The following LINGO2 variants were observed in gnomAD, a reference collection of about 807,000 sequenced individuals.
LINGO2 encodes leucine rich repeat and Ig domain containing 2.
LINGO2 carries 14 observed loss-of-function variants against 30.6 expected under a neutral mutation model. That is an observed-to-expected ratio of 0.46 (90% confidence interval 0.30 to 0.72). The LOEUF (loss-of-function observed/expected upper bound fraction) is 0.72. Among genes scored for constraint, LINGO2 ranks in the 30% least tolerant of loss-of-function variants. The pLI is 0.07. For synonymous variants in LINGO2, 317 were observed against 288.5 expected (o/e 1.10, Z -1.00); for missense variants, 729 against 751.7 (o/e 0.97, Z 0.35).
At chr9:28,577,494 C>T (rs1441624031) in intron 1 of LINGO2, among the ~76,000 whole-genome samples, 1 of 152,120 alleles carries the variant, frequency 6.6e-6, no homozygotes, top group Non-Finnish European at 1.5e-5. Flanking sequence ...CTGTCCACAA[C>T]ACTATCTTTA....
At chr9:28,531,955 C>A (rs1473343498) in intron 1 of LINGO2, among the ~76,000 whole-genome samples, 1 of 152,082 alleles carries the variant, frequency 6.6e-6, no homozygotes, top group African/African-American at 2.4e-5. Context: ...AAAATTGTAG[C>A]TATTGATATC....
chr9:28,140,980 C>G (rs959917348), intron 4 of LINGO2, among the ~76,000 whole-genome samples: 1 of 150,342 alleles, frequency 6.7e-6, no homozygotes, highest in East Asian at 1.9e-4. Context: ...CATTAATCAT[C>G]AACAATATAA....
chr9:29,014,275 C>T, the LINGO2 span, among the ~76,000 whole-genome samples: 1 of 152,086 alleles, frequency 6.6e-6, no homozygotes, highest in South Asian at 2.1e-4. Flanking sequence ...CTAAAATGGA[C>T]ATAAACAATT....
intron 1 of LINGO2, among the ~76,000 whole-genome samples, chr9:28,619,762 A>G (rs1490417123): frequency 6.6e-6 from 1 of 152,112 alleles, no homozygotes; most frequent in East Asian, 1.9e-4. Context: ...GTGCAACTAC[A>G]CTATTTTTGT....
intron 2 of LINGO2, among the ~76,000 whole-genome samples, chr9:28,381,599 T>C (rs1209574136): frequency 6.6e-6 from 1 of 152,000 alleles, no homozygotes; most frequent in Non-Finnish European, 1.5e-5. Context: ...CAATAAAAAA[T>C]ACCATATTTT....
intron 1 of LINGO2, among the ~76,000 whole-genome samples, chr9:28,664,369 G>C (rs111752191): frequency 2.6e-5 from 4 of 152,134 alleles, no homozygotes; most frequent in African/African-American, 9.6e-5. Context: ...AATGGGGCTG[G>C]AACCACAGTC....
the LINGO2 span, among the ~76,000 whole-genome samples, chr9:29,090,807 C>A: frequency 6.6e-6 from 1 of 151,780 alleles, no homozygotes; most frequent in Non-Finnish European, 1.5e-5. Context: ...TACTCAATGT[C>A]ACTAGATTAT....
chr9:29,092,691 A>G, the LINGO2 span, among the ~76,000 whole-genome samples: 1 of 137,340 alleles, frequency 7.3e-6, no homozygotes, highest in East Asian at 2.5e-4. Flanking sequence ...AAGACTGCCA[A>G]CAGAGCATTT....
chr9:28,804,230 G>A, the LINGO2 span, among the ~76,000 whole-genome samples: 1 of 152,054 alleles, frequency 6.6e-6, no homozygotes, highest in Non-Finnish European at 1.5e-5. Flanking sequence ...GACTTCTTCA[G>A]ACCTTTATAT....
the LINGO2 span, among the ~76,000 whole-genome samples, chr9:29,019,393 C>T: frequency 6.6e-6 from 1 of 152,140 alleles, no homozygotes; most frequent in Non-Finnish European, 1.5e-5. Context: ...GTAGGCATTA[C>T]AGTTTTCAGT....
At chr9:29,020,349 T>TA in the LINGO2 span, among the ~76,000 whole-genome samples, 3 of 152,210 alleles carry the variant, frequency 2.0e-5, no homozygotes, top group Non-Finnish European at 2.9e-5. Flanking sequence ...TTATTTTTTT[T>TA]ATCAACCACA....
the LINGO2 span, among the ~76,000 whole-genome samples, chr9:28,762,217 G>T: frequency 6.6e-6 from 1 of 151,650 alleles, no homozygotes; most frequent in African/African-American, 2.4e-5. Context: ...CATTTTAATT[G>T]TACTATTTAA....
the LINGO2 span, among the ~76,000 whole-genome samples, chr9:28,869,973 A>T: frequency 4.5e-4 from 69 of 152,112 alleles, 1 homozygote; most frequent in East Asian, 0.013. Context: ...ACGTTATTAT[A>T]CCTGATAAAT....
intron 1 of LINGO2, among the ~76,000 whole-genome samples, chr9:28,501,487 T>C (rs79038712): frequency 1.3e-5 from 2 of 152,252 alleles, no homozygotes; most frequent in South Asian, 2.1e-4. Context: ...AAGGGCAATC[T>C]AAAGGAAGCA....
At chr9:28,652,455 C>G (rs958601041) in intron 1 of LINGO2, among the ~76,000 whole-genome samples, 1 of 152,066 alleles carries the variant, frequency 6.6e-6, no homozygotes, top group African/African-American at 2.4e-5. Context: ...TTTTGGTCCT[C>G]CTGAAACTCA....
the LINGO2 span, among the ~76,000 whole-genome samples, chr9:28,948,906 G>A: frequency 6.6e-6 from 1 of 151,790 alleles, no homozygotes. Flanking sequence ...GATGGCACAA[G>A]TGGATCTCTC....
At chr9:28,542,794 C>A (rs917629237) in intron 1 of LINGO2, among the ~76,000 whole-genome samples, 1 of 151,940 alleles carries the variant, frequency 6.6e-6, no homozygotes, top group Non-Finnish European at 1.5e-5. Context: ...AGGGATTCCA[C>A]GTTAGTATCC....
chr9:28,307,440 A>T (rs1367298716), intron 3 of LINGO2, among the ~76,000 whole-genome samples: 2 of 152,214 alleles, frequency 1.3e-5, no homozygotes, highest in Admixed American at 6.5e-5. Flanking sequence ...CAAAACAATA[A>T]GAGCTATCTA....
chr9:28,132,673 C>A (rs1021551382), intron 4 of LINGO2, among the ~76,000 whole-genome samples: 1 of 152,164 alleles, frequency 6.6e-6, no homozygotes, highest in African/African-American at 2.4e-5. Context: ...AAATCAGGTT[C>A]AAATGTAATA....
Sources: gnomAD v4.1 joint callset for allele counts (sites outside exome capture counted in the v4.1 genomes callset) on GRCh38, gnomAD v4.1.1 for gene constraint, MANE v1.5 for transcripts, NCBI Gene and HGNC (gene_info 2026-07-23, HGNC 2026-07-21) for gene names.